Variants in REXO1 observed in about 807,000 individuals in gnomAD.
The protein encoded by REXO1 is RNA exonuclease 1 homolog, also known as REX1, RNA exonuclease 1 homolog.
REXO1 carries 42 observed loss-of-function variants against 102.6 expected under a neutral mutation model. The ratio of observed to expected loss-of-function variants is 0.41; its 90% CI spans 0.32 to 0.53. REXO1 has a LOEUF of 0.53. REXO1 is among the 20% of genes least tolerant of loss of function. REXO1 has a pLI of 0.27. For missense variants in REXO1, 1,819 were observed against 1,732.5 expected, an observed-to-expected ratio of 1.05 and a Z score of -0.89; for synonymous variants, 908 against 779.1, an observed-to-expected ratio of 1.17 and a Z score of -2.76.
rs117819413 is a variant in REXO1 at position 1,825,896 on chromosome 19, G to C, written c.1959C>G (p.Thr653=). ...KSEEKGLSGL[T]TLFPGQKRRI... is the part of the protein sequence containing the mutation. ...TCCTCTTCTGCCCGGGGAACAGAGT[G>C]GTCAGACCCGAAAGCCCCTTCTCCT... The change falls in exon 3 of 16, where the codon ACC becomes ACG. Residue 653 remains threonine (T), a synonymous_variant. Coordinates refer to ENST00000170168, the MANE Select transcript of REXO1 (RefSeq NM_020695.4). The C allele has an allele frequency of 6.2e-7, 1 of 1,613,206 alleles. No individual in the cohort carries two copies. Among genetic ancestry groups the C allele is most frequent in the Non-Finnish European group, 8.5e-7 (1 of 1,179,758 alleles).
At chr19:1,821,086 G>A (rs1229717837) in intron 5 of REXO1, among the ~76,000 whole-genome samples, 3 of 151,972 alleles carry the variant, frequency 2.0e-5, no homozygotes, top group South Asian at 4.1e-4. Flanking sequence ...GGTGGCTCAC[G>A]CCTGTAATCC....
chr19:1,821,414 G>C, intron 5 of REXO1, 105 bp downstream of exon 5: 2 of 1,350,962 alleles, frequency 1.5e-6, no homozygotes, highest in Non-Finnish European at 2.1e-6. Context: ...GGAGCACGAA[G>C]GCCCGCAGGG....
chr19:1,835,616 G>T (rs915782779), intron 1 of REXO1, among the ~76,000 whole-genome samples: 1 of 152,164 alleles, frequency 6.6e-6, no homozygotes, highest in Non-Finnish European at 1.5e-5. Context: ...GGAGGGGCCC[G>T]TCCAGGCCCC....
At position 1,827,252 on chromosome 19, in the gene REXO1, T is replaced by C. The variant is rs1418324574; in HGVS notation, c.1537A>G (p.Lys513Glu). The C allele has an allele frequency of 6.4e-7, 1 of 1,556,562 alleles. No individual in the cohort carries two copies. Among genetic ancestry groups the C allele is most frequent in the Admixed American group, 1.9e-5 (1 of 52,766 alleles). ...GASQDAPKLK[K>E]RALSHADLFG... ...AGGTCGGCGTGGCTCAGGGCCCGCT[T>C]CTTCAGCTTGGGGGCGTCCTGGGAG... is the stretch of plus-strand genomic sequence containing the variant. The change falls in exon 2 of 16, where the codon AAG becomes GAG. Residue 513 changes from lysine (K) to glutamate (E), a missense_variant. Coordinates refer to ENST00000170168, the MANE Select transcript of REXO1 (RefSeq NM_020695.4).
At chr19:1,818,113 G>GTGGTTGCC (rs1437001478) in intron 10 of REXO1, among the ~76,000 whole-genome samples, 8 of 152,294 alleles carry the variant, frequency 5.3e-5, no homozygotes, top group African/African-American at 1.9e-4. Context: ...GCGTGGCTGC[G>GTGGTTGCC]TGGTTGCCTG....
intron 1 of REXO1, among the ~76,000 whole-genome samples, chr19:1,830,107 A>T (rs936273388): frequency 6.6e-6 from 1 of 152,240 alleles, no homozygotes; most frequent in Non-Finnish European, 1.5e-5. Flanking sequence ...GGACAGGCCG[A>T]AGGAGTCTAA....
At chr19:1,820,197 T>A in intron 6 of REXO1, 67 bp downstream of exon 6, 1 of 1,566,510 alleles carries the variant, frequency 6.4e-7, no homozygotes. Flanking sequence ...GGCCGGGGGA[T>A]GTCTGGGGAC....
intron 12 of REXO1, 152 bp from the exon 13 acceptor site, chr19:1,816,965 C>G (rs1184338239): frequency 5.6e-6 from 4 of 719,368 alleles, no homozygotes; most frequent in Non-Finnish European, 6.9e-6. Context: ...GGGGTGTGAC[C>G]TCAGTAACCC....
At chr19:1,830,452 C>G (rs1341121284) in intron 1 of REXO1, among the ~76,000 whole-genome samples, 1 of 152,236 alleles carries the variant, frequency 6.6e-6, no homozygotes, top group East Asian at 1.9e-4. Flanking sequence ...GAGGCTGCAG[C>G]GAGCCAGGAT....
chr19:1,837,137 T>C (rs1192027037), intron 1 of REXO1, among the ~76,000 whole-genome samples: 2 of 152,232 alleles, frequency 1.3e-5, no homozygotes, highest in Non-Finnish European at 2.9e-5. Context: ...AGGCAGGGGC[T>C]GGTTGTGTCC....
chr19:1,835,683 G>A (rs183381497), intron 1 of REXO1, among the ~76,000 whole-genome samples: 33 of 152,298 alleles, frequency 2.2e-4, no homozygotes, highest in African/African-American at 7.2e-4. Context: ...CCTGGATGTG[G>A]CCCAGGTCAG....
chr19:1,822,271 G>GC (rs1178645884), intron 4 of REXO1: 3 of 185,946 alleles, frequency 1.6e-5, no homozygotes, highest in Non-Finnish European at 3.3e-5. Flanking sequence ...TAGTCTCAGA[G>GC]CAACATCCCT....
intron 1 of REXO1, among the ~76,000 whole-genome samples, chr19:1,845,461 C>T (rs1162538889): frequency 6.6e-6 from 1 of 152,168 alleles, no homozygotes; most frequent in East Asian, 1.9e-4. Context: ...TCCAGGAGCT[C>T]AAGACCAGCA....
intron 1 of REXO1, among the ~76,000 whole-genome samples, chr19:1,833,881 G>A (rs2069970526): frequency 6.6e-6 from 1 of 152,236 alleles, no homozygotes; most frequent in Non-Finnish European, 1.5e-5. Flanking sequence ...TTACTGAGGA[G>A]GAGCAAGGCC....
intron 1 of REXO1, among the ~76,000 whole-genome samples, chr19:1,847,809 G>C (rs1455314560): frequency 6.6e-6 from 1 of 152,246 alleles, no homozygotes; most frequent in African/African-American, 2.4e-5. Context: ...GCGGCCACAA[G>C]CACATGGGGT....
Position 1,828,192 on chromosome 19 carries a change from C to T in REXO1, c.597G>A (p.Leu199=), listed in dbSNP as rs1731576150. ...GGCTCACAGCCTTGGGGACGTATTC[C>T]AGGGCACCGCCACCCCCTCCACCTC... is the stretch of plus-strand genomic sequence containing the variant. ...QGRGGGGGGA[L]EYVPKAVSQP... is the part of the protein sequence containing the mutation. The change falls in exon 2 of 16, where the codon CTG becomes CTA. Residue 199 remains leucine, a synonymous_variant. Coordinates refer to ENST00000170168, the MANE Select transcript of REXO1 (RefSeq NM_020695.4). 1.2e-6 allele frequency: 2 copies of T among 1,606,400 alleles called. No homozygotes were observed. The highest frequency in any genetic ancestry group is 1.7e-6 in the Non-Finnish European group (2 of 1,177,534).
At chr19:1,829,080 C>T (rs978690786) in intron 1 of REXO1, among the ~76,000 whole-genome samples, 1 of 152,256 alleles carries the variant, frequency 6.6e-6, no homozygotes, top group Non-Finnish European at 1.5e-5. Flanking sequence ...CCTTCCTCAG[C>T]CAACACGGCC....
intron 1 of REXO1, among the ~76,000 whole-genome samples, chr19:1,842,294 C>T (rs79214380): frequency 0.025 from 3,775 of 152,156 alleles, 70 homozygotes; most frequent in East Asian, 0.081. Context: ...TCCTCATCCT[C>T]AGGACTACTG....
intron 1 of REXO1, among the ~76,000 whole-genome samples, chr19:1,836,369 C>G (rs2070036644): frequency 6.6e-6 from 1 of 152,216 alleles, no homozygotes; most frequent in South Asian, 2.1e-4. Flanking sequence ...ACACCCAGTG[C>G]CAGCGAGAGC....
Sources: allele counts gnomAD v4.1 joint callset (sites outside exome capture counted in the v4.1 genomes callset), GRCh38; gene constraint gnomAD v4.1.1; transcripts MANE v1.5; gene names NCBI Gene and HGNC (gene_info 2026-07-23, HGNC 2026-07-21).